Variants in CDH12 observed in about 807,000 individuals in gnomAD.
CDH12 encodes the protein cadherin-12.
Under a neutral mutation model 74.1 loss-of-function variants are expected in CDH12, and 41 were observed. That is an observed-to-expected ratio of 0.55 (90% CI 0.43 to 0.72). The LOEUF (loss-of-function observed/expected upper bound fraction) is 0.72, where lower values mean the gene tolerates loss of function less well. Ranked by LOEUF, CDH12 falls within the 30% of genes least tolerant of loss-of-function variation. The pLI is 0.00. For missense variants in CDH12, 945 were observed against 977.2 expected, an observed-to-expected ratio of 0.97 and a Z score of 0.44; for synonymous variants, 399 against 355.0, an observed-to-expected ratio of 1.12 and a Z score of -1.39.
intron 6 of CDH12, among the ~76,000 whole-genome samples, chr5:21,865,232 G>A (rs1369790136): frequency 1.3e-5 from 2 of 152,100 alleles, no homozygotes; most frequent in Non-Finnish European, 2.9e-5. Flanking sequence ...TGAGAGAGGA[G>A]AGGATGATTT....
Position 22,835,976 on chromosome 5 carries a change from T to C in CDH12, c.-523+17082A>G, listed in dbSNP as rs1202379023. 6.3e-4 allele frequency among the ~76,000 whole-genome samples: 96 copies of C among 152,264 alleles called. 1 individual carries two copies. The highest frequency in any genetic ancestry group is 6.2e-3 in the Admixed American group (95 of 15,274). On this transcript the variant is annotated intron_variant, in intron 1 of 14. Transcript: ENST00000382254. ...TTCAATGATGTTGGAAACTGCAATCTTCCTTTGTTCCCAGAGAGAGAGCAG... is the reference window on the plus strand; with the variant it reads ...TTCAATGATGTTGGAAACTGCAATCCTCCTTTGTTCCCAGAGAGAGAGCAG...
intron 4 of CDH12, among the ~76,000 whole-genome samples, chr5:22,141,700 A>G (rs1184817864): frequency 6.6e-6 from 1 of 152,202 alleles, no homozygotes; most frequent in Non-Finnish European, 1.5e-5. Context: ...ACAGAATAGA[A>G]TTGAAAAATA....
intron 2 of CDH12, among the ~76,000 whole-genome samples, chr5:22,429,102 C>CTATTTTATTTTATTTTATTTTATTT (rs546752099): frequency 7.6e-5 from 11 of 144,800 alleles, no homozygotes; most frequent in African/African-American, 2.7e-4. Context: ...CACTTTTATT[C>CTATTTTATTTTATTTTATTTTATTT]TATTTTATTT....
At chr5:22,848,019 G>A (rs1737385067) in intron 1 of CDH12, among the ~76,000 whole-genome samples, 1 of 152,052 alleles carries the variant, frequency 6.6e-6, no homozygotes, top group African/African-American at 2.4e-5. Flanking sequence ...GAGTAGCTGG[G>A]ATGAAAGGTG....
Position 21,761,784 on chromosome 5 carries a change from T to TA in CDH12, c.1516-1110_1516-1109insT, listed in dbSNP as rs59552053. On this transcript the variant is annotated intron_variant, in intron 12 of 14. Transcript: ENST00000382254. ...ATAGATAGATAGATAGATAGATAGA[T>TA]GATAGATATCACTGGGACCTTGGAT... 2.4e-3 allele frequency among the ~76,000 whole-genome samples: 350 copies of TA among 142,868 alleles called. 2 individuals carry two copies. The highest frequency in any genetic ancestry group is 8.6e-3 in the African/African-American group (339 of 39,272). 93.7% of individuals were successfully genotyped at this position (142,868 alleles called of 152,430 possible).
chr5:22,426,069 T>C (rs547338885), intron 2 of CDH12, among the ~76,000 whole-genome samples: 6 of 151,796 alleles, frequency 4.0e-5, no homozygotes, highest in East Asian at 1.9e-4. Context: ...CGCCTGTAGT[T>C]CCAGCTACTC....
At position 21,833,017 on chromosome 5, in the gene CDH12, G is replaced by T. The variant is rs1423526736; in HGVS notation, c.814+9144C>A. Among the ~76,000 whole-genome samples, 17 of 29,880 alleles carry T rather than the reference G, an allele frequency of 5.7e-4. No homozygotes were observed. The East Asian group carries it at 7.3e-3, about 13-fold the overall frequency. 19.6% of individuals were successfully genotyped at this position (29,880 alleles called of 152,430 possible). ...TATTAATATATTATATATAATATAT[G>T]ATATAATATATAATATATAATATAT... On this transcript the variant is annotated intron_variant, in intron 8 of 14. Coordinates refer to ENST00000382254, the MANE Select transcript of CDH12 (RefSeq NM_004061.5).
At chr5:22,535,033 C>T (rs1170736536) in intron 1 of CDH12, among the ~76,000 whole-genome samples, 1 of 148,356 alleles carries the variant, frequency 6.7e-6, no homozygotes, top group Admixed American at 6.7e-5. Context: ...AGTGCAGTGG[C>T]CCGTCTCCGC....
chr5:22,478,286 C>T lies in CDH12; in HGVS notation c.-428+26984G>A, dbSNP rs977524223. Among the ~76,000 whole-genome samples the T allele has an allele frequency of 4.6e-5, 7 of 151,562 alleles. No individual in the cohort carries two copies. The South Asian group carries it at 8.3e-4, about 18-fold the overall frequency. ...ACAAAAAATAAGCCGGGCGAGGTGGCGGGCGCCTGTAGTCCCAGCTACTCG... is the reference window on the plus strand; with the variant it reads ...ACAAAAAATAAGCCGGGCGAGGTGGTGGGCGCCTGTAGTCCCAGCTACTCG... On this transcript the variant is annotated intron_variant, in intron 2 of 14. Coordinates refer to ENST00000382254, the MANE Select transcript of CDH12 (RefSeq NM_004061.5).
chr5:22,806,237 G>C lies in CDH12; in HGVS notation c.-523+46821C>G, dbSNP rs562086801. Among the ~76,000 whole-genome samples the C allele has an allele frequency of 5.9e-4, 89 of 151,998 alleles. 1 individual carries two copies. In the South Asian group the frequency reaches 0.013, roughly 22 times the overall value. On this transcript the variant is annotated intron_variant, in intron 1 of 14. Coordinates refer to ENST00000382254, the MANE Select transcript of CDH12 (RefSeq NM_004061.5). ...TAGATCCTTGAGGAATCGCCACACT[G>C]TCTTCCACAATGGTTGAACTGATTT...
chr5:21,924,353 T>A (rs1181902692), intron 6 of CDH12, among the ~76,000 whole-genome samples: 2 of 152,010 alleles, frequency 1.3e-5, no homozygotes, highest in Non-Finnish European at 2.9e-5. Context: ...CTGTCTCTAC[T>A]AAAAATACAA....
intron 4 of CDH12, among the ~76,000 whole-genome samples, chr5:22,186,702 C>T (rs1301307680): frequency 7.9e-5 from 12 of 152,166 alleles, no homozygotes; most frequent in Admixed American, 7.9e-4. Flanking sequence ...AACTCCTGAC[C>T]TCAAGTGATG....
chr5:21,797,632 T>C (rs779448938), intron 10 of CDH12, among the ~76,000 whole-genome samples: 13 of 152,220 alleles, frequency 8.5e-5, no homozygotes, highest in Admixed American at 2.0e-4. Flanking sequence ...CTTTATTTCA[T>C]ATAAAGTAGC....
At chr5:22,698,728 TATATATA>T (rs1561586079) in intron 1 of CDH12, among the ~76,000 whole-genome samples, 162 of 15,028 alleles carry the variant, frequency 0.011, 10 homozygotes, top group Non-Finnish European at 0.015. Flanking sequence ...TATATATATA[TATATATA>T]GTGTGTGTGT....
At chr5:22,094,631 G>A (rs1159298348) in intron 4 of CDH12, among the ~76,000 whole-genome samples, 1 of 151,994 alleles carries the variant, frequency 6.6e-6, no homozygotes, top group Non-Finnish European at 1.5e-5. Flanking sequence ...TGTATTAATG[G>A]GCATCAAGAG....
At chr5:21,907,764 A>T (rs10041268) in intron 6 of CDH12, among the ~76,000 whole-genome samples, 145,545 of 152,260 alleles carry the variant, frequency 0.96, 69,789 homozygotes, top group East Asian at 1. Flanking sequence ...TAGTAGCAGA[A>T]TCCAGTGTCT....
chr5:22,722,221 C>T (rs1743936211), intron 1 of CDH12, among the ~76,000 whole-genome samples: 1 of 152,170 alleles, frequency 6.6e-6, no homozygotes, highest in Admixed American at 6.5e-5. Flanking sequence ...ACCCTATACC[C>T]CAAGCAGCAA....
intron 1 of CDH12, among the ~76,000 whole-genome samples, chr5:22,762,274 G>A (rs1255434974): frequency 6.6e-6 from 1 of 151,944 alleles, no homozygotes; most frequent in African/African-American, 2.4e-5. Context: ...TGGAGAAGAA[G>A]TAATAATAAT....
intron 1 of CDH12, among the ~76,000 whole-genome samples, chr5:22,676,410 C>T (rs970711327): frequency 1.3e-5 from 2 of 152,096 alleles, no homozygotes; most frequent in Non-Finnish European, 2.9e-5. Context: ...TTTTTGATTG[C>T]CTTTTATGTG....
Sources: allele counts gnomAD v4.1 joint callset (sites outside exome capture counted in the v4.1 genomes callset), GRCh38; gene constraint gnomAD v4.1.1; transcripts MANE v1.5; gene names NCBI Gene and HGNC (gene_info 2026-07-23, HGNC 2026-07-21).